The following VAV2 variants were observed in gnomAD, a reference collection of about 807,000 sequenced individuals.
VAV2 encodes vav guanine nucleotide exchange factor 2.
Under a neutral mutation model 132.5 loss-of-function variants are expected in VAV2, and 67 were observed. The ratio of observed to expected loss-of-function variants is 0.51; its 90% CI spans 0.42 to 0.62. The LOEUF is 0.62. VAV2 is among the 20% of genes least tolerant of loss of function. The pLI, the probability that VAV2 is intolerant of heterozygous loss-of-function variation, is 0.00. For missense variants in VAV2, 938 were observed against 1,153.6 expected, an observed-to-expected ratio of 0.81 and a Z score of 2.71; for synonymous variants, 492 against 443.5, an observed-to-expected ratio of 1.11 and a Z score of -1.37.
chr9:133,887,670 AG>A (rs1291269462), intron 2 of VAV2, among the ~76,000 whole-genome samples: 1 of 151,896 alleles, frequency 6.6e-6, no homozygotes, highest in Non-Finnish European at 1.5e-5. Flanking sequence ...CCAGCACCCC[AG>A]GGACATCAGA....
At position 133,833,835 on chromosome 9, in the gene VAV2, C is replaced by G. The variant is rs1836358164; in HGVS notation, c.449+437G>C. Among the ~76,000 whole-genome samples, 1 of 152,156 alleles carries G rather than the reference C, an allele frequency of 6.6e-6. No individual in the cohort carries two copies. On this transcript the variant is annotated intron_variant, in intron 4 of 29. Coordinates refer to ENST00000371850, the MANE Select transcript of VAV2 (RefSeq NM_001134398.2). The surrounding 1 kb of genome is among the most constrained non-coding windows in gnomAD (Gnocchi z 5.6). The stretch of plus-strand genomic sequence containing the variant: ...GGGCCACGTGTTAACCCCGAGCCCA[C>G]ACACTCCTGTGCCCTGAACCTGCGC...
At chr9:133,783,420 C>T (rs577016876) in intron 19 of VAV2, 83 bp downstream of exon 19, 107 of 1,395,940 alleles carry the variant, frequency 7.7e-5, no homozygotes, top group African/African-American at 1.6e-4. Flanking sequence ...AGATGGTGCC[C>T]GAGGCCCGTA....
chr9:133,870,257 G>A (rs1358803817), intron 2 of VAV2, among the ~76,000 whole-genome samples: 1 of 152,144 alleles, frequency 6.6e-6, no homozygotes, highest in East Asian at 1.9e-4. Flanking sequence ...TAGGGGGCCG[G>A]CAGAGTGCAG....
At chr9:133,916,768 CATTA>C (rs1237852537) in intron 2 of VAV2, among the ~76,000 whole-genome samples, 1 of 150,928 alleles carries the variant, frequency 6.6e-6, no homozygotes, top group African/African-American at 2.4e-5. Flanking sequence ...ATGCAAAAAG[CATTA>C]ATTAAGTACC....
chr9:133,766,878 G>A (rs1383547065), intron 29 of VAV2, among the ~76,000 whole-genome samples: 1 of 150,620 alleles, frequency 6.6e-6, no homozygotes, highest in Admixed American at 6.6e-5. Context: ...AAAGTTGGGA[G>A]GAAAATGGAT....
intron 2 of VAV2, among the ~76,000 whole-genome samples, chr9:133,869,960 A>G (rs181597904): frequency 2.0e-5 from 3 of 152,374 alleles, no homozygotes; most frequent in East Asian, 3.9e-4. Context: ...TCAGAAGCAA[A>G]TCATTATAAA....
At chr9:133,866,569 C>A (rs1384494800) in intron 2 of VAV2, among the ~76,000 whole-genome samples, 1 of 152,030 alleles carries the variant, frequency 6.6e-6, no homozygotes, top group Non-Finnish European at 1.5e-5. Context: ...TTTGGGAGAC[C>A]AAGGTGGGCA....
In VAV2 at chr9:133,840,781, T is replaced by C. The variant is rs1162895968; in HGVS notation, c.381-6441A>G. On this transcript the variant is annotated intron_variant, in intron 3 of 29. Coordinates refer to ENST00000371850, the MANE Select transcript of VAV2 (RefSeq NM_001134398.2). The surrounding 1 kb of genome is among the most constrained non-coding windows in gnomAD (Gnocchi z 4.5). The stretch of plus-strand genomic sequence containing the variant: ...TTTGGGATAATAAATCAGGCTCCTA[T>C]CCTTGCCCTCAGGACTTCTGTGAAA... 1.3e-5 allele frequency among the ~76,000 whole-genome samples: 2 copies of C among 152,168 alleles called. No individual in the cohort carries two copies. Among genetic ancestry groups the C allele is most frequent in the Admixed American group, 6.5e-5 (1 of 15,272 alleles).
intron 2 of VAV2, among the ~76,000 whole-genome samples, chr9:133,914,013 T>A (rs1320229461): frequency 6.6e-6 from 1 of 152,192 alleles, no homozygotes; most frequent in Non-Finnish European, 1.5e-5. Flanking sequence ...TGGCTATGAC[T>A]TAACATTATC....
intron 1 of VAV2, among the ~76,000 whole-genome samples, chr9:133,972,253 C>CCTGT (rs1842360246): frequency 6.6e-6 from 1 of 152,192 alleles, no homozygotes; most frequent in Non-Finnish European, 1.5e-5. Flanking sequence ...AGATAAGGCA[C>CCTGT]CTGTCCTCAG....
At chr9:133,850,653 G>A (rs1175620857) in intron 3 of VAV2, among the ~76,000 whole-genome samples, 1 of 152,186 alleles carries the variant, frequency 6.6e-6, no homozygotes, top group Non-Finnish European at 1.5e-5. Context: ...TCTAGGAGCT[G>A]AACACAGCCT....
rs1484638180 is a variant in VAV2 at position 133,978,505 on chromosome 9, G to A, written c.204+13570C>T. On this transcript the variant is annotated intron_variant, in intron 1 of 29. Transcript: ENST00000371850. Reference sequence around the variant, plus strand: ...GGTCACGGAAAGATACCGCGTGTTCGCGCTGCCTTTGAACCCAAAAGTACA... The same window carrying A: ...GGTCACGGAAAGATACCGCGTGTTCACGCTGCCTTTGAACCCAAAAGTACA... 5.9e-5 allele frequency among the ~76,000 whole-genome samples: 9 copies of A among 152,378 alleles called. No individual in the cohort carries two copies. The East Asian group carries it at 7.7e-4, about 13-fold the overall frequency.
chr9:133,838,713 T>TGGATGGGTGGGTG (rs1836580895), intron 3 of VAV2, among the ~76,000 whole-genome samples: 2 of 48,314 alleles, frequency 4.1e-5, no homozygotes, highest in Non-Finnish European at 8.6e-5. Flanking sequence ...GTGGGTGGAT[T>TGGATGGGTGGGTG]GATGGATGGG....
rs753631290 is a variant in VAV2, at chr9:133,769,541, G to T, written c.2348-38C>A. ...GAGAGAGAACGTGAGGCGGGCAGCA[G>T]GGCATCCACGCACAGTCACGGTGGG... On this transcript the variant is annotated intron_variant, in intron 27 of 29. Transcript: ENST00000371850. The surrounding 1 kb of genome is among the most constrained non-coding windows in gnomAD (Gnocchi z 8.1). The T allele has an allele frequency of 6.3e-7, 1 of 1,583,952 alleles. No homozygotes were observed.
At position 133,928,303 on chromosome 9, in the gene VAV2, T is replaced by C. The variant is rs1181365360; in HGVS notation, c.321+10800A>G. Among the ~76,000 whole-genome samples, 1 of 152,098 alleles carries C rather than the reference T, an allele frequency of 6.6e-6. No individual in the cohort carries two copies. The highest frequency in any genetic ancestry group is 1.5e-5 in the Non-Finnish European group (1 of 68,024). On this transcript the variant is annotated intron_variant, in intron 2 of 29. Transcript: ENST00000371850. The surrounding 1 kb of genome is among the most constrained non-coding windows in gnomAD (Gnocchi z 5.4). ...TGGGTGGGTGAATAACGTCCTGAAATGACAACAACTAGCAGATAAAAGAGG... is the reference window on the plus strand; with the variant it reads ...TGGGTGGGTGAATAACGTCCTGAAACGACAACAACTAGCAGATAAAAGAGG...
Position 133,903,190 on chromosome 9 carries a change from GAC to G in VAV2, c.321+35911_321+35912del, listed in dbSNP as rs1359973586. ...CTGCAAGCCCAGGAGAGTGCCCCGGGACACAGTCTCCCTGTGCCCCAGAAGGC... is the reference window on the plus strand; with the variant it reads ...CTGCAAGCCCAGGAGAGTGCCCCGGGACAGTCTCCCTGTGCCCCAGAAGGC... On this transcript the variant is annotated intron_variant, in intron 2 of 29. Coordinates refer to ENST00000371850, the MANE Select transcript of VAV2 (RefSeq NM_001134398.2). Among the ~76,000 whole-genome samples the G allele has an allele frequency of 4.0e-5, 6 of 149,290 alleles. No individual in the cohort carries two copies. In the East Asian group the frequency reaches 1.2e-3, roughly 29 times the overall value.
chr9:133,862,469 AC>A (rs1837635574), intron 2 of VAV2, among the ~76,000 whole-genome samples: 1 of 152,212 alleles, frequency 6.6e-6, no homozygotes, highest in Non-Finnish European at 1.5e-5. Flanking sequence ...CGCACCAAGT[AC>A]ATCTGTGAGT....
intron 1 of VAV2, among the ~76,000 whole-genome samples, chr9:133,974,488 G>A (rs1049045635): frequency 1.3e-5 from 2 of 152,124 alleles, no homozygotes; most frequent in Non-Finnish European, 2.9e-5. Context: ...TTTGCGCTGG[G>A]CCAAACACAC....
At chr9:133,778,594 C>T (rs968807807) in intron 22 of VAV2, among the ~76,000 whole-genome samples, 168 bp downstream of exon 22, 1 of 152,202 alleles carries the variant, frequency 6.6e-6, no homozygotes, top group Admixed American at 6.5e-5. Context: ...CAGAACGGGG[C>T]ACTGAGGCAG....
Sources: gnomAD v4.1 joint callset for allele counts (sites outside exome capture counted in the v4.1 genomes callset) on GRCh38, gnomAD v4.1.1 for gene constraint, Gnocchi (gnomAD v3.1) non-coding constraint, MANE v1.5 for transcripts, NCBI Gene and HGNC (gene_info 2026-07-23, HGNC 2026-07-21) for gene names.